Variants in KCNH8 observed in about 807,000 individuals in gnomAD.
KCNH8 encodes potassium voltage-gated channel subfamily H member 8.
KCNH8 carries 70 observed loss-of-function variants against 103.6 expected under a neutral mutation model. The observed-to-expected ratio is 0.68, with a 90% CI of 0.56 to 0.82. The LOEUF (loss-of-function observed/expected upper bound fraction) is 0.82. Ranked by LOEUF, KCNH8 falls within the 40% of genes least tolerant of loss-of-function variation. The pLI is 0.00. For synonymous variants in KCNH8, 498 were observed against 489.4 expected (o/e 1.02, Z -0.23); for missense variants, 1,217 against 1,329.9 (o/e 0.92, Z 1.32).
At position 19,390,657 on chromosome 3, in the gene KCNH8, G is replaced by C. The variant is rs368356244; in HGVS notation, c.969+19G>C. 6.3e-7 allele frequency: 1 copy of C among 1,598,594 alleles called. No homozygotes were observed. The highest frequency in any genetic ancestry group is 2.3e-5 in the East Asian group (1 of 44,354). On this transcript the variant is annotated intron_variant, in intron 6 of 15. Coordinates refer to ENST00000328405, the MANE Select transcript of KCNH8 (RefSeq NM_144633.3). ...CACAGTGGTGAGTAAAGAGCTCCCC[G>C]CCACATGGCCTTTAAGGTTGATTTA... is the stretch of plus-strand genomic sequence containing the variant.
intron 5 of KCNH8, among the ~76,000 whole-genome samples, chr3:19,348,873 C>G (rs2125320798): frequency 6.6e-6 from 1 of 151,328 alleles, no homozygotes. Flanking sequence ...CACATCAAAA[C>G]CTTGGTTCAA....
chr3:19,345,752 G>A (rs2065721103), intron 4 of KCNH8, among the ~76,000 whole-genome samples: 1 of 151,964 alleles, frequency 6.6e-6, no homozygotes, highest in Non-Finnish European at 1.5e-5. Context: ...AAAGATGTTT[G>A]CAGGATTTGA....
intron 1 of KCNH8, among the ~76,000 whole-genome samples, chr3:19,177,896 A>T (rs991111075): frequency 5.9e-5 from 9 of 152,122 alleles, no homozygotes; most frequent in Admixed American, 6.5e-5. Flanking sequence ...ATCTTCTGAC[A>T]TAGTTAATTC....
rs540877320 is a variant in KCNH8, at chr3:19,232,237, G to C, written c.77-21417G>C. On this transcript the variant is annotated intron_variant, in intron 1 of 15. Coordinates refer to ENST00000328405, the MANE Select transcript of KCNH8 (RefSeq NM_144633.3). ...ATCAATAGATTGCAAATGTCCTAAT[G>C]TAACTTGAATACGTCATCTGTGCTT... is the stretch of plus-strand genomic sequence containing the variant. Among the ~76,000 whole-genome samples, 3 of 152,266 alleles carry C rather than the reference G, an allele frequency of 2.0e-5. No individual in the cohort carries two copies. The East Asian group carries it at 5.8e-4, about 29-fold the overall frequency.
chr3:19,217,569 T>C (rs981344473), intron 1 of KCNH8, among the ~76,000 whole-genome samples: 5 of 152,240 alleles, frequency 3.3e-5, no homozygotes, highest in Non-Finnish European at 5.9e-5. Context: ...AAATATTAAT[T>C]AACATAATCC....
At chr3:19,523,172 G>C (rs1174224465) in intron 15 of KCNH8, among the ~76,000 whole-genome samples, 1 of 151,748 alleles carries the variant, frequency 6.6e-6, no homozygotes, top group East Asian at 1.9e-4. Context: ...CAAAAGAAAG[G>C]CCTCTTTTTT....
intron 11 of KCNH8, among the ~76,000 whole-genome samples, chr3:19,502,459 C>T (rs568208378): frequency 1.4e-4 from 21 of 152,086 alleles, no homozygotes; most frequent in South Asian, 6.2e-4. Flanking sequence ...GAGCCCGCAT[C>T]GCCAAGTCAA....
chr3:19,339,744 T>C (rs1042469528), intron 3 of KCNH8, among the ~76,000 whole-genome samples: 5 of 152,214 alleles, frequency 3.3e-5, no homozygotes, highest in Middle Eastern at 3.4e-3. Flanking sequence ...AGTTAGACTT[T>C]TGCGGTGAAT....
intron 1 of KCNH8, among the ~76,000 whole-genome samples, chr3:19,159,687 A>T (rs2063215524): frequency 6.6e-6 from 1 of 152,116 alleles, no homozygotes; most frequent in South Asian, 2.1e-4. Flanking sequence ...GATGCCCAGA[A>T]ATATCACATA....
Position 19,253,868 on chromosome 3 carries a change from T to C in KCNH8, c.291T>C (p.Ile97=), listed in dbSNP as rs766916681. The change falls in exon 2 of 16, where the codon ATT becomes ATC. Residue 97 remains isoleucine (I), a synonymous_variant. Transcript: ENST00000328405. ...LEEKTEFKGE[I]MFYKKNGSPF... is the part of the protein sequence containing the mutation. Reference sequence around the variant, plus strand: ...AGAAAACAGAATTCAAAGGAGAAATTATGTTCTACAAGAAAAACGGTGAGT... The same window carrying C: ...AGAAAACAGAATTCAAAGGAGAAATCATGTTCTACAAGAAAAACGGTGAGT... 3.1e-6 allele frequency: 5 copies of C among 1,612,700 alleles called. No homozygotes were observed. In the Admixed American group the frequency reaches 6.7e-5, roughly 22 times the overall value.
intron 2 of KCNH8, among the ~76,000 whole-genome samples, chr3:19,258,073 T>C (rs368913186): frequency 1.3e-5 from 2 of 152,164 alleles, no homozygotes; most frequent in South Asian, 4.1e-4. Flanking sequence ...TTGGTCCTAC[T>C]CTAATGACCT....
intron 1 of KCNH8, among the ~76,000 whole-genome samples, chr3:19,153,578 C>A (rs2063150341): frequency 6.6e-6 from 1 of 151,492 alleles, no homozygotes; most frequent in Non-Finnish European, 1.5e-5. Flanking sequence ...GTACTTTATT[C>A]ATTCACTCAA....
At chr3:19,473,680 T>C (rs995147671) in intron 11 of KCNH8, among the ~76,000 whole-genome samples, 3 of 152,218 alleles carry the variant, frequency 2.0e-5, no homozygotes, top group Admixed American at 6.6e-5. Flanking sequence ...TTCTTATTAG[T>C]GGAAATAAAT....
chr3:19,208,290 C>T lies in KCNH8; in HGVS notation c.77-45364C>T, dbSNP rs116501575. The stretch of plus-strand genomic sequence containing the variant: ...AGAAGATATTTATTATTTGTATTTA[C>T]TATCAGAAAGTACACATTTAACATT... On this transcript the variant is annotated intron_variant, in intron 1 of 15. Transcript: ENST00000328405. Among the ~76,000 whole-genome samples the T allele has an allele frequency of 7.6e-3, 1,160 of 152,078 alleles. 14 individuals carry two copies. Among genetic ancestry groups the T allele is most frequent in the African/African-American group, 0.026 (1,068 of 41,514 alleles).
intron 5 of KCNH8, among the ~76,000 whole-genome samples, chr3:19,369,301 T>A (rs552888884): frequency 5.9e-5 from 9 of 152,048 alleles, no homozygotes; most frequent in Non-Finnish European, 1.0e-4. Context: ...TTGATACTGG[T>A]GACCCCTCCT....
intron 5 of KCNH8, among the ~76,000 whole-genome samples, chr3:19,350,769 A>T (rs1354029605): frequency 6.6e-6 from 1 of 152,146 alleles, no homozygotes. Context: ...AAACACAAAG[A>T]TGGGGAGAAA....
At chr3:19,510,714 C>G (rs1575160184) in intron 12 of KCNH8, among the ~76,000 whole-genome samples, 1 of 151,414 alleles carries the variant, frequency 6.6e-6, no homozygotes, top group East Asian at 1.9e-4. Context: ...CAAATTTTTT[C>G]TTGTAAGTGT....
intron 2 of KCNH8, among the ~76,000 whole-genome samples, chr3:19,258,947 CTATATATA>C (rs71055060): frequency 0.012 from 305 of 24,764 alleles, 4 homozygotes; most frequent in South Asian, 0.025. Flanking sequence ...CTCTCTCTCT[CTATATATA>C]TATATATATA....
At chr3:19,335,016 A>G (rs2125312525) in intron 3 of KCNH8, among the ~76,000 whole-genome samples, 1 of 152,098 alleles carries the variant, frequency 6.6e-6, no homozygotes, top group African/African-American at 2.4e-5. Flanking sequence ...CCAATTTTCC[A>G]TAATGAGTTT....
Sources: gnomAD v4.1 joint callset for allele counts (sites outside exome capture counted in the v4.1 genomes callset) on GRCh38, gnomAD v4.1.1 for gene constraint, MANE v1.5 for transcripts, NCBI Gene and HGNC (gene_info 2026-07-23, HGNC 2026-07-21) for gene names.